Variants in MYT1L observed in about 807,000 individuals in gnomAD.
The protein encoded by MYT1L is myelin transcription factor 1-like protein.
MYT1L carries 12 observed loss-of-function variants against 126.7 expected under a neutral mutation model. The observed-to-expected ratio is 0.09, with a 90% CI of 0.06 to 0.15. The LOEUF is 0.15. Among genes scored for constraint, MYT1L ranks in the 10% least tolerant of loss-of-function variants. The pLI, the probability that MYT1L is intolerant of heterozygous loss-of-function variation, is 1.00. For synonymous variants in MYT1L, 541 were observed against 604.2 expected (o/e 0.90, Z 1.53); for missense variants, 979 against 1,585.2 (o/e 0.62, Z 6.49).
intron 3 of MYT1L, among the ~76,000 whole-genome samples, chr2:2,109,652 A>G (rs945030961): frequency 3.3e-5 from 5 of 151,876 alleles, no homozygotes; most frequent in African/African-American, 9.7e-5. Context: ...GGAAGGATGG[A>G]GTGGAGAGAG....
chr2:1,926,965 TA>T (rs1435330410), intron 9 of MYT1L, among the ~76,000 whole-genome samples: 1 of 152,220 alleles, frequency 6.6e-6, no homozygotes, highest in Non-Finnish European at 1.5e-5. Flanking sequence ...TAAAAACACA[TA>T]TTTAGATGGA....
At chr2:2,005,023 C>T (rs1473979024) in intron 4 of MYT1L, among the ~76,000 whole-genome samples, 1 of 150,076 alleles carries the variant, frequency 6.7e-6, no homozygotes, top group East Asian at 2.0e-4. Flanking sequence ...TTCCTGCGTG[C>T]CTTCTTTCCT....
At chr2:2,052,057 T>C (rs1417141002) in intron 4 of MYT1L, among the ~76,000 whole-genome samples, 1 of 152,176 alleles carries the variant, frequency 6.6e-6, no homozygotes, top group Non-Finnish European at 1.5e-5. Context: ...ACAACAAAGC[T>C]ACTGTAATCA....
chr2:2,328,328 A>G (rs1259852572), intron 1 of MYT1L, among the ~76,000 whole-genome samples: 1 of 152,202 alleles, frequency 6.6e-6, no homozygotes, highest in Non-Finnish European at 1.5e-5. Flanking sequence ...AGTAAAAAAT[A>G]AATAAATAAA....
intron 4 of MYT1L, among the ~76,000 whole-genome samples, chr2:2,025,668 C>T (rs576225532): frequency 1.3e-5 from 2 of 152,178 alleles, no homozygotes; most frequent in Non-Finnish European, 2.9e-5. Flanking sequence ...GTGTGGTGCA[C>T]CCAGCTCCCT....
At chr2:2,200,802 G>C (rs550237985) in intron 2 of MYT1L, among the ~76,000 whole-genome samples, 1 of 152,166 alleles carries the variant, frequency 6.6e-6, no homozygotes, top group East Asian at 1.9e-4. Context: ...GTTCGGCTCC[G>C]GTGTGTTGCT....
intron 3 of MYT1L, among the ~76,000 whole-genome samples, chr2:2,120,834 C>T (rs1226182067): frequency 6.6e-6 from 1 of 150,822 alleles, no homozygotes; most frequent in Non-Finnish European, 1.5e-5. Flanking sequence ...CCGTGCAATA[C>T]CTCGCTCATA....
intron 3 of MYT1L, among the ~76,000 whole-genome samples, chr2:2,140,876 A>T (rs748852709): frequency 5.9e-5 from 9 of 152,208 alleles, no homozygotes; most frequent in South Asian, 2.1e-4. Flanking sequence ...GCCTGGATCA[A>T]TGTCTTCAAA....
chr2:2,128,010 T>C (rs1007044840), intron 3 of MYT1L, among the ~76,000 whole-genome samples: 2 of 152,230 alleles, frequency 1.3e-5, no homozygotes, highest in African/African-American at 4.8e-5. Flanking sequence ...AAATAATGTA[T>C]GTGAAATTAC....
chr2:1,922,584 C>A lies in MYT1L; in HGVS notation c.1185G>T (p.Val395=). 6.2e-7 allele frequency: 1 copy of A among 1,614,024 alleles called. No homozygotes were observed. ...LEEQLSPRSR[V]FASCAKEDGC... ...CATCCTCCTTCGCACAGCTGGCAAACACTCTCGACCGGGGGCTCAACTGCT... is the reference window on the plus strand; with the variant it reads ...CATCCTCCTTCGCACAGCTGGCAAAAACTCTCGACCGGGGGCTCAACTGCT... The change falls in exon 10 of 25, where the codon GTG becomes GTT. Residue 395 remains valine, a synonymous_variant. Coordinates refer to ENST00000647738, the MANE Select transcript of MYT1L (RefSeq NM_001303052.2). The surrounding 1 kb of genome is among the most constrained non-coding windows in gnomAD (Gnocchi z 7.4).
rs1466512652 is a variant in MYT1L at position 2,262,939 on chromosome 2, G to GACATATATATATATATATATATAT, written c.-421+21464_-421+21465insATATATATATATATATATATATGT. Among the ~76,000 whole-genome samples the GACATATATATATATATATATATAT allele has an allele frequency of 3.1e-4, 16 of 51,988 alleles. 2 individuals carry two copies. Among genetic ancestry groups the GACATATATATATATATATATATAT allele is most frequent in the African/African-American group, 1.4e-3 (16 of 11,746 alleles). 34.1% of individuals were successfully genotyped at this position (51,988 alleles called of 152,430 possible). The stretch of plus-strand genomic sequence containing the variant: ...AAATATATATATATATATAACCTGT[G>GACATATATATATATATATATATAT]ATATATATATATATATCACAGGTAA... On this transcript the variant is annotated intron_variant, in intron 2 of 24. Coordinates refer to ENST00000647738, the MANE Select transcript of MYT1L (RefSeq NM_001303052.2).
intron 8 of MYT1L, among the ~76,000 whole-genome samples, chr2:1,962,985 C>T (rs991167079): frequency 6.6e-6 from 1 of 152,200 alleles, no homozygotes; most frequent in Non-Finnish European, 1.5e-5. Flanking sequence ...AATGGTGAAT[C>T]CTTCCCATAA....
chr2:2,327,508 G>GA (rs139976511), intron 1 of MYT1L, among the ~76,000 whole-genome samples: 44,707 of 152,060 alleles, frequency 0.29, 6,867 homozygotes, highest in South Asian at 0.45. Flanking sequence ...TTAAAAACTT[G>GA]AAATAGGAAA....
chr2:2,108,944 G>A (rs981764554), intron 3 of MYT1L, among the ~76,000 whole-genome samples: 5 of 152,194 alleles, frequency 3.3e-5, no homozygotes, highest in Admixed American at 6.5e-5. Context: ...GTGGCTGGCT[G>A]CAGCCTTCTG....
In MYT1L at chr2:1,840,896, C is replaced by CTTTTTT. The variant is rs1316416056; in HGVS notation, c.2775-54_2775-53insAAAAAA. 1.7e-5 allele frequency: 16 copies of CTTTTTT among 962,462 alleles called. 1 individual carries two copies. The African/African-American group carries it at 2.7e-4, about 16-fold the overall frequency. 59.6% of individuals were successfully genotyped at this position (962,462 alleles called of 1,614,324 possible). On this transcript the variant is annotated intron_variant, in intron 19 of 24. Coordinates refer to ENST00000647738, the MANE Select transcript of MYT1L (RefSeq NM_001303052.2). ...ACCCCACACCGTTGATTTCAGTGAG[C>CTTTTTT]TTTCTTTCTTTTTTTTTTTTTTTTT...
Position 1,942,995 on chromosome 2 carries a change from C to A in MYT1L, c.492G>T (p.Glu164Asp). 6.5e-7 allele frequency: 1 copy of A among 1,534,220 alleles called. No homozygotes were observed. Among genetic ancestry groups the A allele is most frequent in the Non-Finnish European group, 8.8e-7 (1 of 1,136,262 alleles). ...EEEEEEEEEE[E>D]EEENEDHQMN... ...TTTAAAGATTACCGTTTTCTTCTTCCTCTTCCTCCTCCTCCTCCTCCTCCT... is the reference window on the plus strand; with the variant it reads ...TTTAAAGATTACCGTTTTCTTCTTCATCTTCCTCCTCCTCCTCCTCCTCCT... Residue 164 changes from glutamate (E) to aspartate (D), a missense_variant, in exon 9 of 25, where the codon GAG (glutamate) becomes GAT (aspartate). Glu to Asp is a conservative substitution (Grantham distance 45, BLOSUM62 2). Coordinates refer to ENST00000647738, the MANE Select transcript of MYT1L (RefSeq NM_001303052.2).
intron 3 of MYT1L, among the ~76,000 whole-genome samples, chr2:2,112,650 C>T (rs1382930141): frequency 6.6e-6 from 1 of 152,142 alleles, no homozygotes; most frequent in African/African-American, 2.4e-5. Flanking sequence ...TTTATCAGCA[C>T]TCAGGCAACA....
At chr2:2,004,304 T>G (rs371421277) in intron 4 of MYT1L, among the ~76,000 whole-genome samples, 2,291 of 120,394 alleles carry the variant, frequency 0.019, 86 homozygotes, top group Non-Finnish European at 0.032. Context: ...CTTTCCTGCA[T>G]GCGTTCTTTC....
chr2:2,192,113 C>G (rs2092618151), intron 2 of MYT1L, among the ~76,000 whole-genome samples: 1 of 152,212 alleles, frequency 6.6e-6, no homozygotes, highest in African/African-American at 2.4e-5. Flanking sequence ...GTCTTTAAAT[C>G]TAGTTCTGGT....
Sources: gnomAD v4.1 joint callset for allele counts (sites outside exome capture counted in the v4.1 genomes callset) on GRCh38, gnomAD v4.1.1 for gene constraint, Gnocchi (gnomAD v3.1) non-coding constraint, MANE v1.5 for transcripts, NCBI Gene and HGNC (gene_info 2026-07-23, HGNC 2026-07-21) for gene names.